Variants in NDST1 observed in about 807,000 individuals in gnomAD.
NDST1 encodes the protein N-deacetylase and N-sulfotransferase 1, also known as bifunctional heparan sulfate N-deacetylase/N-sulfotransferase 1.
In NDST1, 35 loss-of-function variants were observed where a neutral mutation model predicts 92.8. The ratio of observed to expected loss-of-function variants is 0.38; its 90% CI spans 0.29 to 0.50. The LOEUF (loss-of-function observed/expected upper bound fraction) is 0.50, where lower values mean the gene tolerates loss of function less well. Among genes scored for constraint, NDST1 ranks in the 20% least tolerant of loss-of-function variants. The pLI is 0.94. For synonymous variants in NDST1, 493 were observed against 500.3 expected (o/e 0.99, Z 0.19); for missense variants, 822 against 1,182.7 (o/e 0.69, Z 4.47).
chr5:150,533,856 G>A (rs1372906906), intron 4 of NDST1, among the ~76,000 whole-genome samples: 1 of 151,994 alleles, frequency 6.6e-6, no homozygotes, highest in Admixed American at 6.6e-5. Flanking sequence ...GGTGAGGTGG[G>A]CATATTATTT....
At chr5:150,512,597 G>A (rs1012245149) in intron 1 of NDST1, among the ~76,000 whole-genome samples, 5 of 152,216 alleles carry the variant, frequency 3.3e-5, no homozygotes, top group Admixed American at 6.5e-5. Flanking sequence ...TCCCTCTGGC[G>A]TCAGCCTGGC....
At chr5:150,507,374 G>T (rs924346107), upstream of NDST1, among the ~76,000 whole-genome samples, 1 of 152,138 alleles carries the variant, frequency 6.6e-6, no homozygotes, top group African/African-American at 2.4e-5. Context: ...TTTTCAGCTG[G>T]GTGCTTTTAA....
intron 1 of NDST1, among the ~76,000 whole-genome samples, chr5:150,516,607 A>G (rs1012273312): frequency 2.0e-5 from 3 of 152,314 alleles, no homozygotes; most frequent in Non-Finnish European, 2.9e-5. Context: ...GGGTCCATCA[A>G]TCTAGGACTT....
At chr5:150,501,739 G>C (rs899956263) in intron 1 of NDST1, among the ~76,000 whole-genome samples, 6 of 152,206 alleles carry the variant, frequency 3.9e-5, no homozygotes, top group Non-Finnish European at 8.8e-5. Flanking sequence ...ACGTGGGGCT[G>C]ACATTTGAGT....
At chr5:150,539,038 A>G (rs1755120678) in intron 6 of NDST1, among the ~76,000 whole-genome samples, 190 bp from the exon 7 acceptor site, 2 of 152,210 alleles carry the variant, frequency 1.3e-5, no homozygotes, top group African/African-American at 4.8e-5. Context: ...GAAGTTTGTA[A>G]AATGGCAAGG....
intron 1 of NDST1, among the ~76,000 whole-genome samples, chr5:150,517,304 ATTT>A (rs34230800): frequency 3.6e-5 from 5 of 139,776 alleles, no homozygotes; most frequent in East Asian, 2.1e-4. Flanking sequence ...CACCTGGCTC[ATTT>A]TTTTTTTTTT....
chr5:150,520,910 C>T lies in NDST1; in HGVS notation c.-345C>T. 1.9e-6 allele frequency: 1 copy of T among 513,678 alleles called. No individual in the cohort carries two copies. Among genetic ancestry groups the T allele is most frequent in the Non-Finnish European group, 3.4e-6 (1 of 293,176 alleles). 31.8% of individuals were successfully genotyped at this position (513,678 alleles called of 1,614,324 possible). A position where few individuals can be genotyped will look rare whatever the true frequency, so the allele number is the denominator to read the frequency against. ...CCACGGAGTGAGCGGCATGCAGCAC[C>T]CCCGGGCCTGTCCAGTGTCCTCTGG... On this transcript the variant is annotated 5_prime_UTR_variant, in exon 2 of 15. Transcript: ENST00000261797.
At chr5:150,548,426 G>A in intron 12 of NDST1, 38 bp downstream of exon 12, 2 of 1,600,670 alleles carry the variant, frequency 1.2e-6, no homozygotes, top group Non-Finnish European at 1.7e-6. Flanking sequence ...GGCAGTCACA[G>A]TACTGGCTTG....
intron 1 of NDST1, among the ~76,000 whole-genome samples, chr5:150,498,690 C>T (rs1421678943): frequency 2.0e-5 from 3 of 152,184 alleles, no homozygotes; most frequent in Non-Finnish European, 4.4e-5. Flanking sequence ...CTCTCCCTTC[C>T]CCCCACGGAG....
chr5:150,535,609 CT>C (rs1460011085), intron 5 of NDST1, 90 bp from the exon 6 acceptor site: 1 of 1,502,252 alleles, frequency 6.7e-7, no homozygotes, highest in East Asian at 2.3e-5. Context: ...GACCTAACCT[CT>C]GATTTCTCTC....
At chr5:150,515,464 G>A (rs1032082996) in intron 1 of NDST1, among the ~76,000 whole-genome samples, 1 of 152,234 alleles carries the variant, frequency 6.6e-6, no homozygotes, top group African/African-American at 2.4e-5. Context: ...GTGGGGATGA[G>A]GCGGGAGCCT....
At chr5:150,501,188 A>G (rs1753212447) in intron 1 of NDST1, among the ~76,000 whole-genome samples, 1 of 152,244 alleles carries the variant, frequency 6.6e-6, no homozygotes, top group African/African-American at 2.4e-5. Flanking sequence ...CATTCTGAGA[A>G]CAAAGCTTCC....
chr5:150,540,516 G>A (rs899958159), intron 8 of NDST1, among the ~76,000 whole-genome samples: 2 of 152,170 alleles, frequency 1.3e-5, no homozygotes, highest in Admixed American at 6.5e-5. Context: ...GGAAAAAACA[G>A]TGTTAAAAAA....
rs1754541061 is a variant in NDST1 at position 150,527,787 on chromosome 5, C to T, written c.514-17C>T. On this transcript the variant is annotated splice_polypyrimidine_tract_variant and intron_variant, in intron 2 of 14. Coordinates refer to ENST00000261797, the MANE Select transcript of NDST1 (RefSeq NM_001543.5). ...TGTGACAGTTCTGTTCCCCTTCCTG[C>T]CCTCCATTGACTGCAGGCCAATGAG... 5 of 1,612,710 alleles carry T rather than the reference C, an allele frequency of 3.1e-6. No homozygotes were observed. In the African/African-American group the frequency reaches 5.3e-5, roughly 17 times the overall value.
At chr5:150,520,037 T>C (rs1754172748) in intron 1 of NDST1, among the ~76,000 whole-genome samples, 4 of 152,112 alleles carry the variant, frequency 2.6e-5, no homozygotes, top group Admixed American at 2.6e-4. Flanking sequence ...GGCTATTTGG[T>C]CATCTGTTGT....
intron 8 of NDST1, 53 bp from the exon 9 acceptor site, chr5:150,541,517 T>A (rs1159704605): frequency 9.5e-6 from 14 of 1,473,646 alleles, no homozygotes; most frequent in Admixed American, 5.0e-5. Context: ...GCAGTGGGAG[T>A]CCACTGACTG....
At chr5:150,525,082 C>A (rs976434249) in intron 2 of NDST1, among the ~76,000 whole-genome samples, 8 of 152,198 alleles carry the variant, frequency 5.3e-5, no homozygotes, top group African/African-American at 1.7e-4. Flanking sequence ...AATCAGGGCT[C>A]CTCCTCCCTC....
chr5:150,550,299 A>C (rs1326925483), intron 13 of NDST1: 1 of 172,536 alleles, frequency 5.8e-6, no homozygotes, highest in East Asian at 1.7e-4. Flanking sequence ...AAGGGGTTTC[A>C]CCATGTTGCT....
At chr5:150,508,993 G>T (rs1753592357) in intron 1 of NDST1, among the ~76,000 whole-genome samples, 1 of 152,140 alleles carries the variant, frequency 6.6e-6, no homozygotes, top group Non-Finnish European at 1.5e-5. Context: ...CTGTCTTCCT[G>T]CCAGCATTCT....
Sources: gnomAD v4.1 joint callset for allele counts (sites outside exome capture counted in the v4.1 genomes callset) on GRCh38, gnomAD v4.1.1 for gene constraint, MANE v1.5 for transcripts, NCBI Gene and HGNC (gene_info 2026-07-23, HGNC 2026-07-21) for gene names.